The following GAS7 variants were observed in gnomAD, a reference collection of about 807,000 sequenced individuals.
The protein encoded by GAS7 is growth arrest-specific protein 7.
GAS7 carries 28 observed loss-of-function variants against 71.1 expected under a neutral mutation model. That is an observed-to-expected ratio of 0.39 (90% CI 0.29 to 0.54). GAS7 has a LOEUF of 0.54. GAS7 is among the 20% of genes least tolerant of loss of function. The pLI is 0.62. For missense variants in GAS7, 436 were observed against 627.8 expected (o/e 0.69, Z 3.27); for synonymous variants, 258 against 245.8 (o/e 1.05, Z -0.46).
intron 9 of GAS7, among the ~76,000 whole-genome samples, chr17:9,929,708 A>C (rs928919142): frequency 6.6e-6 from 1 of 151,846 alleles, no homozygotes; most frequent in Non-Finnish European, 1.5e-5. Flanking sequence ...TGATCTCCTG[A>C]CCTCATGATC....
At chr17:10,175,127 C>G (rs947721700) in intron 1 of GAS7, among the ~76,000 whole-genome samples, 1 of 151,324 alleles carries the variant, frequency 6.6e-6, no homozygotes, top group African/African-American at 2.4e-5. Flanking sequence ...ATTATGGGCA[C>G]GAGCCACCAC....
intron 2 of GAS7, among the ~76,000 whole-genome samples, chr17:9,982,870 C>T (rs3076165): frequency 1.5e-5 from 2 of 131,378 alleles, no homozygotes; most frequent in Admixed American, 7.3e-5. Context: ...AGAAAGAAAG[C>T]AAAGAAAGCA....
chr17:10,154,925 C>G (rs1478361909), intron 1 of GAS7, among the ~76,000 whole-genome samples: 2 of 148,468 alleles, frequency 1.3e-5, no homozygotes, highest in Non-Finnish European at 3.0e-5. Context: ...CACACACACA[C>G]ACACACACAC....
intron 1 of GAS7, among the ~76,000 whole-genome samples, chr17:10,139,721 A>G (rs867571473): frequency 1.3e-5 from 2 of 152,320 alleles, no homozygotes; most frequent in African/African-American, 2.4e-5. Flanking sequence ...CATTCTGCTT[A>G]GCGTAGACCA....
intron 1 of GAS7, among the ~76,000 whole-genome samples, chr17:10,085,449 C>T (rs561516374): frequency 2.6e-5 from 4 of 152,018 alleles, no homozygotes; most frequent in Non-Finnish European, 5.9e-5. Context: ...TTTGGGAGGC[C>T]GAGGCGGGCG....
intron 1 of GAS7, among the ~76,000 whole-genome samples, chr17:10,048,036 T>G (rs1040977527): frequency 6.6e-6 from 1 of 152,212 alleles, no homozygotes; most frequent in African/African-American, 2.4e-5. Context: ...GCGCGGTGAC[T>G]CATGCCTGGA....
intron 1 of GAS7, among the ~76,000 whole-genome samples, chr17:10,148,251 C>T (rs575494620): frequency 4.6e-5 from 7 of 152,126 alleles, no homozygotes; most frequent in South Asian, 4.1e-4. Context: ...TCGTTGGTTT[C>T]GGTTAACCTA....
In GAS7 at chr17:9,916,865, G is replaced by A; in HGVS notation, c.*363C>T. The stretch of plus-strand genomic sequence containing the variant: ...CCTCCAAAGCCCTGGAGACAAGGGA[G>A]CCAGCTGGAGGAAGAGCCTTGGGGC... On this transcript the variant is annotated 3_prime_UTR_variant, in exon 14 of 14. Transcript: ENST00000432992. The A allele has an allele frequency of 2.2e-6, 1 of 447,228 alleles. No individual in the cohort carries two copies. The highest frequency in any genetic ancestry group is 3.9e-6 in the Non-Finnish European group (1 of 253,234). 27.7% of individuals were successfully genotyped at this position (447,228 alleles called of 1,614,324 possible).
At chr17:10,101,353 C>A (rs1459006306) in intron 1 of GAS7, among the ~76,000 whole-genome samples, 1 of 152,232 alleles carries the variant, frequency 6.6e-6, no homozygotes, top group Non-Finnish European at 1.5e-5. Context: ...GACAGCCAAC[C>A]AGCAAGCAGG....
At chr17:10,035,065 A>C (rs2072714402) in intron 1 of GAS7, among the ~76,000 whole-genome samples, 1 of 152,118 alleles carries the variant, frequency 6.6e-6, no homozygotes, top group Middle Eastern at 3.4e-3. Context: ...GCCCACCAAC[A>C]GCCTCTGCAC....
rs58890573 is a variant in GAS7, at chr17:9,942,881, TAATATGAAATCTAC to T, written c.731+226_731+239del. Among the ~76,000 whole-genome samples, 15,449 of 152,276 alleles carry T rather than the reference TAATATGAAATCTAC, an allele frequency of 0.1. 1,785 individuals carry two copies. The highest frequency in any genetic ancestry group is 0.29 in the African/African-American group (11,870 of 41,510). On this transcript the variant is annotated intron_variant, in intron 7 of 13. Coordinates refer to ENST00000432992, the MANE Select transcript of GAS7 (RefSeq NM_201433.2). ...CAAGGTGTGCTAAATATCCAGATTTTAATATGAAATCTACCCATTTTTTTAAGTGTTGCTTTCAA... is the reference window on the plus strand; with the variant it reads ...CAAGGTGTGCTAAATATCCAGATTTTCCATTTTTTTAAGTGTTGCTTTCAA...
chr17:10,137,134 G>A (rs1406003663), intron 1 of GAS7, among the ~76,000 whole-genome samples: 1 of 150,816 alleles, frequency 6.6e-6, no homozygotes, highest in Admixed American at 6.6e-5. Context: ...AAGAGAGAGA[G>A]AGAGACCGCA....
chr17:10,033,663 G>C (rs1356462930), intron 1 of GAS7, among the ~76,000 whole-genome samples: 4 of 152,204 alleles, frequency 2.6e-5, no homozygotes, highest in Non-Finnish European at 5.9e-5. Context: ...GGGAATTAGT[G>C]CTGTTGTAAA....
chr17:10,049,683 C>T (rs148619888), intron 1 of GAS7, among the ~76,000 whole-genome samples: 10,211 of 128,236 alleles, frequency 0.08, 877 homozygotes, highest in African/African-American at 0.23. Context: ...TGCAGTGGCG[C>T]GATCTTGGCT....
At chr17:9,986,949 A>G (rs2070672471) in intron 2 of GAS7, among the ~76,000 whole-genome samples, 4 of 152,186 alleles carry the variant, frequency 2.6e-5, no homozygotes, top group Admixed American at 2.0e-4. Context: ...GGGTGACCTC[A>G]CCAGCAGCAG....
At chr17:10,158,576 C>G (rs892447788) in intron 1 of GAS7, among the ~76,000 whole-genome samples, 6 of 151,936 alleles carry the variant, frequency 3.9e-5, no homozygotes, top group African/African-American at 1.5e-4. Context: ...TACTGCTGTT[C>G]TCAACTTACT....
Position 10,134,055 on chromosome 17 carries a change from GA to G in GAS7, c.183+64152del, listed in dbSNP as rs2074019506. ...CTTTTTTCTTTTTTTTTTGAGATGG[GA>G]GTCTCGCTCTATCGCCCAGGCTGGA... On this transcript the variant is annotated intron_variant, in intron 1 of 13. Coordinates refer to ENST00000432992, the MANE Select transcript of GAS7 (RefSeq NM_201433.2). Among the ~76,000 whole-genome samples, 3 of 141,484 alleles carry G rather than the reference GA, an allele frequency of 2.1e-5. No individual in the cohort carries two copies. In the South Asian group the frequency reaches 6.8e-4, roughly 32 times the overall value. 92.8% of individuals were successfully genotyped at this position (141,484 alleles called of 152,430 possible). A position where few individuals can be genotyped will look rare whatever the true frequency, so the allele number is the denominator to read the frequency against.
intron 1 of GAS7, among the ~76,000 whole-genome samples, chr17:10,196,123 G>A (rs575674172): frequency 8.5e-5 from 13 of 152,280 alleles, no homozygotes; most frequent in Admixed American, 5.9e-4. Flanking sequence ...CAGGGGCTGC[G>A]CATGCCCCTT....
At chr17:10,071,336 C>A (rs1276093433) in intron 1 of GAS7, among the ~76,000 whole-genome samples, 2 of 152,178 alleles carry the variant, frequency 1.3e-5, no homozygotes, top group African/African-American at 4.8e-5. Flanking sequence ...GCGAATCACC[C>A]TGGGTCTGTG....
Sources: allele counts gnomAD v4.1 joint callset (sites outside exome capture counted in the v4.1 genomes callset), GRCh38; gene constraint gnomAD v4.1.1; transcripts MANE v1.5; gene names NCBI Gene and HGNC (gene_info 2026-07-23, HGNC 2026-07-21).